TMEM114: variants seen among roughly 807,000 people sequenced by gnomAD.
The protein encoded by TMEM114 is transmembrane protein 114, also known as claudin-26.
A neutral mutation model predicts 6.2 loss-of-function variants in TMEM114; 6 were observed. The ratio of observed to expected loss-of-function variants is 0.97; its 90% CI spans 0.53 to 1.91. The LOEUF (loss-of-function observed/expected upper bound fraction) is 1.91. Ranked by LOEUF, TMEM114 falls within the 40% of genes most tolerant of loss-of-function variation. The probability of loss-of-function intolerance (pLI) is 0.01; values close to 1 mark genes in which losing one functional copy is unlikely to be tolerated. For synonymous variants in TMEM114, 104 were observed against 73.0 expected (o/e 1.42, Z -2.16); for missense variants, 218 against 158.3 (o/e 1.38, Z -2.02).
chr16:8,532,493 C>A, the TMEM114 span, among the ~76,000 whole-genome samples: 2 of 152,090 alleles, frequency 1.3e-5, no homozygotes, highest in Non-Finnish European at 2.9e-5. Context: ...GAGCTGCTAT[C>A]CAAGGCCATG....
chr16:8,551,249 G>C (rs1449350810), intron 2 of TMEM114, among the ~76,000 whole-genome samples: 1 of 152,102 alleles, frequency 6.6e-6, no homozygotes, highest in Admixed American at 6.6e-5. Flanking sequence ...CAGGGGAAAT[G>C]CAAGTTTCAC....
At chr16:8,548,694 GTA>G (rs141212101) in intron 2 of TMEM114, among the ~76,000 whole-genome samples, 1 of 139,898 alleles carries the variant, frequency 7.1e-6, no homozygotes, top group Non-Finnish European at 1.6e-5. Flanking sequence ...AAATTGCCAT[GTA>G]TATATATACA....
In TMEM114 at chr16:8,564,219, TA is replaced by T. The variant is rs1901426468; in HGVS notation, n.212+24993del. Among the ~76,000 whole-genome samples the T allele has an allele frequency of 6.5e-4, 50 of 76,460 alleles. 1 individual carries two copies. The highest frequency in any genetic ancestry group is 6.6e-3 in the Middle Eastern group (1 of 152). The allele number at this position is 76,460 out of a possible 152,430, so 50.2% of individuals were successfully genotyped here. A position where few individuals can be genotyped will look rare whatever the true frequency, so the allele number is the denominator to read the frequency against. ...TGAGTGAGTGGGTGAATGAGTGAGTTAGTGAATGAGTGAGTTAGTGAATGAG... is the reference window on the plus strand; with the variant it reads ...TGAGTGAGTGGGTGAATGAGTGAGTTGTGAATGAGTGAGTTAGTGAATGAG... On this transcript the variant is annotated intron_variant and non_coding_transcript_variant, in intron 2 of 2. Coordinates refer to the TMEM114 transcript ENST00000623677.
intron 2 of TMEM114, among the ~76,000 whole-genome samples, chr16:8,549,059 G>A (rs1337818925): frequency 6.6e-6 from 1 of 151,950 alleles, no homozygotes; most frequent in African/African-American, 2.4e-5. Context: ...GCATGCGCCT[G>A]CAGTCCCAGC....
chr16:8,549,358 G>A lies in TMEM114; in HGVS notation n.213-11532C>T, dbSNP rs1900771179. Among the ~76,000 whole-genome samples, 5 of 151,880 alleles carry A rather than the reference G, an allele frequency of 3.3e-5. No homozygotes were observed. In the South Asian group the frequency reaches 8.3e-4, roughly 25 times the overall value. On this transcript the variant is annotated intron_variant and non_coding_transcript_variant, in intron 2 of 2. Coordinates refer to the TMEM114 transcript ENST00000623677. ...CTACTAAAAATACAAAAATTAGCCC[G>A]AAGTGGTGGTGGGCACCTGTAGTCT...
intron 2 of TMEM114, among the ~76,000 whole-genome samples, chr16:8,546,832 G>C (rs528081286): frequency 4.6e-5 from 7 of 152,130 alleles, no homozygotes; most frequent in Non-Finnish European, 1.0e-4. Context: ...CTTCCTTTGA[G>C]TGTCTGCCAA....
chr16:8,576,756 AAGGAAGGAAG>A (rs1567208958), intron 2 of TMEM114, among the ~76,000 whole-genome samples: 10 of 136,620 alleles, frequency 7.3e-5, no homozygotes, highest in Non-Finnish European at 1.4e-4. Context: ...GGAAGGAAGG[AAGGAAGGAAG>A]GAAATTGAGC....
chr16:8,548,866 AT>A (rs1900755081), intron 2 of TMEM114, among the ~76,000 whole-genome samples: 1 of 152,130 alleles, frequency 6.6e-6, no homozygotes, highest in African/African-American at 2.4e-5. Context: ...AGAGAGAGAG[AT>A]CCAGTTGTTG....
intron 2 of TMEM114, among the ~76,000 whole-genome samples, chr16:8,560,772 G>A (rs1046369103): frequency 5.3e-5 from 8 of 152,178 alleles, no homozygotes; most frequent in Admixed American, 2.0e-4. Context: ...CAGCCCCAAC[G>A]TTCACCTCCA....
intron 2 of TMEM114, among the ~76,000 whole-genome samples, chr16:8,586,605 G>C (rs1596315712): frequency 6.6e-6 from 1 of 152,078 alleles, no homozygotes; most frequent in East Asian, 1.9e-4. Flanking sequence ...TGCCTCCCAG[G>C]TTCAAGCGAT....
intron 2 of TMEM114, among the ~76,000 whole-genome samples, chr16:8,549,972 G>A (rs1263310232): frequency 2.0e-5 from 3 of 152,200 alleles, no homozygotes; most frequent in Non-Finnish European, 4.4e-5. Context: ...CAGGGAAGCC[G>A]ACAGTGCAGC....
intron 2 of TMEM114, among the ~76,000 whole-genome samples, chr16:8,577,541 T>C (rs533174797): frequency 6.0e-4 from 91 of 152,260 alleles, no homozygotes; most frequent in African/African-American, 2.1e-3. Flanking sequence ...GTTGTTTTCC[T>C]GATTGGCAAT....
intron 2 of TMEM114, among the ~76,000 whole-genome samples, chr16:8,579,755 T>G (rs1357912943): frequency 6.6e-6 from 1 of 152,170 alleles, no homozygotes; most frequent in African/African-American, 2.4e-5. Flanking sequence ...AATTCCCATT[T>G]CACAGGTGGG....
chr16:8,533,817 A>G (rs1187606597), downstream of TMEM114, among the ~76,000 whole-genome samples: 1 of 152,180 alleles, frequency 6.6e-6, no homozygotes, highest in Non-Finnish European at 1.5e-5. Flanking sequence ...TTGGTCTCAG[A>G]TGGGTTTCCT....
the TMEM114 span, chr16:8,532,020 G>A: frequency 6.6e-6 from 1 of 152,326 alleles, no homozygotes; most frequent in East Asian, 1.9e-4. Context: ...TCTGTTGGAA[G>A]AAAGAACGGA....
chr16:8,563,949 ATGAGTGAG>A (rs1211842215), intron 2 of TMEM114, among the ~76,000 whole-genome samples: 1 of 124,156 alleles, frequency 8.1e-6, no homozygotes, highest in African/African-American at 3.1e-5. Context: ...GAGTAAGTAA[ATGAGTGAG>A]TGAATGAGTG....
intron 2 of TMEM114, among the ~76,000 whole-genome samples, chr16:8,558,521 ATAG>A (rs879791388): frequency 3.9e-5 from 6 of 152,152 alleles, no homozygotes; most frequent in Non-Finnish European, 8.8e-5. Flanking sequence ...CATCTTAACT[ATAG>A]TAATTACACC....
chr16:8,532,685 G>A (rs574524718), downstream of TMEM114, among the ~76,000 whole-genome samples: 5 of 152,290 alleles, frequency 3.3e-5, no homozygotes, highest in East Asian at 9.6e-4. Flanking sequence ...AGCACTTTGG[G>A]AGGCCGAGGC....
chr16:8,562,596 A>ATGAGTGAG (rs1192691060), intron 2 of TMEM114, among the ~76,000 whole-genome samples: 2 of 91,408 alleles, frequency 2.2e-5, no homozygotes, highest in East Asian at 6.3e-4. Context: ...AAGTAAGTGA[A>ATGAGTGAG]TGAGTGAGTG....
Sources: allele counts gnomAD v4.1 joint callset (sites outside exome capture counted in the v4.1 genomes callset), GRCh38; gene constraint gnomAD v4.1.1; transcripts MANE v1.5; gene names NCBI Gene and HGNC (gene_info 2026-07-23, HGNC 2026-07-21).